The following CEP63 variants were observed in gnomAD, a reference collection of about 807,000 sequenced individuals.
CEP63 encodes centrosomal protein of 63 kDa.
CEP63 carries 84 observed loss-of-function variants against 89.1 expected under a neutral mutation model. The observed-to-expected ratio is 0.94, with a 90% CI of 0.79 to 1.13. The LOEUF (loss-of-function observed/expected upper bound fraction) is 1.13, where lower values mean the gene tolerates loss of function less well. Ranked by LOEUF, CEP63 falls within the 50% of genes most tolerant of loss-of-function variation. The pLI, the probability that CEP63 is intolerant of heterozygous loss-of-function variation, is 0.00. For missense variants in CEP63, 838 were observed against 813.3 expected, an observed-to-expected ratio of 1.03 and a Z score of -0.37; for synonymous variants, 267 against 272.5, an observed-to-expected ratio of 0.98 and a Z score of 0.20.
At chr3:134,733,329 T>G in the CEP63 span, among the ~76,000 whole-genome samples, 1 of 150,656 alleles carries the variant, frequency 6.6e-6, no homozygotes, top group East Asian at 1.9e-4. Context: ...ATCTCAAACC[T>G]GAGACATGTA....
the CEP63 span, chr3:134,600,982 C>T: frequency 2.6e-5 from 4 of 152,212 alleles, no homozygotes; most frequent in Non-Finnish European, 4.4e-5. Flanking sequence ...ATCAGCCTCG[C>T]GGTGTGCAGC....
chr3:134,723,059 G>A, the CEP63 span, among the ~76,000 whole-genome samples: 2 of 152,202 alleles, frequency 1.3e-5, no homozygotes, highest in Non-Finnish European at 2.9e-5. Context: ...TGCTAAAGCT[G>A]TGTTGTCTGT....
At chr3:134,596,293 C>A in the CEP63 span, among the ~76,000 whole-genome samples, 11 of 152,190 alleles carry the variant, frequency 7.2e-5, no homozygotes, top group African/African-American at 2.2e-4. Flanking sequence ...GGGTGGCCAT[C>A]CTTCTCTAGT....
intron 10 of CEP63, among the ~76,000 whole-genome samples, chr3:134,583,244 G>A (rs1340011500): frequency 3.3e-5 from 5 of 152,138 alleles, no homozygotes; most frequent in African/African-American, 1.2e-4. Context: ...TTAGACATGA[G>A]GCCTTTGCCC....
intron 10 of CEP63, among the ~76,000 whole-genome samples, chr3:134,581,445 G>T (rs1262723440): frequency 1.3e-5 from 2 of 151,734 alleles, no homozygotes; most frequent in Non-Finnish European, 2.9e-5. Flanking sequence ...GCCGGGCATG[G>T]TGGTGGGCAC....
downstream of CEP63, among the ~76,000 whole-genome samples, chr3:134,577,248 C>T (rs562214455): frequency 1.2e-5 from 1 of 85,940 alleles, no homozygotes; most frequent in African/African-American, 3.5e-5. Context: ...CAAAAAACTT[C>T]TAGGAAAAAA....
the CEP63 span, among the ~76,000 whole-genome samples, chr3:134,671,832 A>T: frequency 2.0e-5 from 3 of 152,278 alleles, no homozygotes; most frequent in African/African-American, 7.2e-5. Context: ...CTTTTGGGAC[A>T]TTTTAGTTGG....
At chr3:134,651,371 T>G in the CEP63 span, 1 of 1,124,672 alleles carries the variant, frequency 8.9e-7, no homozygotes, top group South Asian at 2.0e-5. Context: ...TCCGGAGGGT[T>G]CTCGAGAGGG....
the CEP63 span, among the ~76,000 whole-genome samples, chr3:134,709,058 GGGTACAGATGAAA>G: frequency 5.0e-3 from 755 of 152,286 alleles, 4 homozygotes; most frequent in Non-Finnish European, 8.3e-3. Flanking sequence ...ATAAGACCCA[GGGTACAGATGAAA>G]GGTACAGATG....
the CEP63 span, among the ~76,000 whole-genome samples, chr3:134,695,128 C>A: frequency 2.0e-5 from 3 of 152,100 alleles, no homozygotes; most frequent in African/African-American, 7.2e-5. Context: ...CTGAGCTGTG[C>A]GGGGTAGGAG....
At chr3:134,677,183 C>T in the CEP63 span, among the ~76,000 whole-genome samples, 1 of 143,084 alleles carries the variant, frequency 7.0e-6, no homozygotes, top group Admixed American at 6.9e-5. Context: ...TGCTTGAACC[C>T]GGCAGGCGGA....
chr3:134,766,851 C>T, the CEP63 span, among the ~76,000 whole-genome samples: 1 of 152,186 alleles, frequency 6.6e-6, no homozygotes, highest in African/African-American at 2.4e-5. Context: ...TCAGTTTGCC[C>T]ATGACCTGGC....
At chr3:134,486,322 T>G in intron 1 of CEP63, 120 bp downstream of exon 1, 2 of 985,542 alleles carry the variant, frequency 2.0e-6, no homozygotes, top group Non-Finnish European at 2.4e-6. Context: ...GCCTTGGTGA[T>G]TCTGGCTTCG....
the CEP63 span, among the ~76,000 whole-genome samples, chr3:134,662,430 G>A: frequency 6.6e-6 from 1 of 152,260 alleles, no homozygotes; most frequent in Non-Finnish European, 1.5e-5. Flanking sequence ...CCAGTTAATG[G>A]TATTTTGTAA....
chr3:134,641,713 C>A, the CEP63 span, among the ~76,000 whole-genome samples: 5 of 152,164 alleles, frequency 3.3e-5, no homozygotes, highest in African/African-American at 1.2e-4. Context: ...TATACAACCC[C>A]GCACAGCCCC....
At chr3:134,578,330 T>TTTTTTTTG (rs1958262398), downstream of CEP63, among the ~76,000 whole-genome samples, 2 of 39,872 alleles carry the variant, frequency 5.0e-5, no homozygotes. Flanking sequence ...GTGTTTTTTT[T>TTTTTTTTG]TTTTTTTTTT....
intron 14 of CEP63, among the ~76,000 whole-genome samples, chr3:134,560,502 G>A (rs868019407): frequency 7.9e-5 from 12 of 152,318 alleles, no homozygotes; most frequent in Middle Eastern, 3.4e-3. Flanking sequence ...CTGCTTATGC[G>A]GAGGTGACCA....
intron 5 of CEP63, among the ~76,000 whole-genome samples, chr3:134,533,158 T>C (rs1478667299): frequency 6.6e-6 from 1 of 152,170 alleles, no homozygotes; most frequent in Non-Finnish European, 1.5e-5. Flanking sequence ...TACGGAGACA[T>C]ATTTTTTTGG....
intron 3 of CEP63, among the ~76,000 whole-genome samples, chr3:134,528,559 T>TGTGTGTATGC (rs1949167743): frequency 8.7e-6 from 1 of 114,848 alleles, no homozygotes; most frequent in Admixed American, 1.0e-4. Flanking sequence ...GAGGGGTGTG[T>TGTGTGTATGC]GTGTGTGTGC....
Sources: allele counts gnomAD v4.1 joint callset (sites outside exome capture counted in the v4.1 genomes callset), GRCh38; gene constraint gnomAD v4.1.1; transcripts MANE v1.5; gene names NCBI Gene and HGNC (gene_info 2026-07-23, HGNC 2026-07-21).